Variants in TNFRSF11A observed in about 807,000 individuals in gnomAD.
TNFRSF11A encodes tumor necrosis factor receptor superfamily member 11A.
Under a neutral mutation model 55.7 loss-of-function variants are expected in TNFRSF11A, and 32 were observed. The ratio of observed to expected loss-of-function variants is 0.57; its 90% CI spans 0.43 to 0.77. TNFRSF11A has a LOEUF of 0.77. TNFRSF11A is among the 30% of genes least tolerant of loss of function. The pLI is 0.00. For missense variants in TNFRSF11A, 753 were observed against 809.8 expected (o/e 0.93, Z 0.85); for synonymous variants, 311 against 331.0 (o/e 0.94, Z 0.65).
chr18:62,354,129 A>T (rs1019237756), intron 3 of TNFRSF11A, among the ~76,000 whole-genome samples: 26 of 152,310 alleles, frequency 1.7e-4, no homozygotes, highest in African/African-American at 6.0e-4. Flanking sequence ...TCTTTCTACT[A>T]ACATGAAAAT....
rs753920062 is a variant in TNFRSF11A at position 62,349,797 on chromosome 18, C to G, written c.158-15C>G. Reference sequence around the variant, plus strand: ...GTTTTTTGATGGTTGCATTTTTCTCCCTCATTTTTTTAAGGAAAGTACATG... The same window carrying G: ...GTTTTTTGATGGTTGCATTTTTCTCGCTCATTTTTTTAAGGAAAGTACATG... On this transcript the variant is annotated splice_polypyrimidine_tract_variant and intron_variant, in intron 2 of 9. Transcript: ENST00000586569. 18 of 1,613,240 alleles carry G rather than the reference C, an allele frequency of 1.1e-5. No homozygotes were observed. The highest frequency in any genetic ancestry group is 1.5e-5 in the Non-Finnish European group (18 of 1,179,632).
intron 1 of TNFRSF11A, among the ~76,000 whole-genome samples, chr18:62,341,234 A>G (rs933792265): frequency 6.6e-6 from 1 of 152,230 alleles, no homozygotes; most frequent in African/African-American, 2.4e-5. Context: ...AATGACTCGG[A>G]CCACTCATCG....
intron 1 of TNFRSF11A, among the ~76,000 whole-genome samples, chr18:62,326,808 T>C (rs975534938): frequency 3.9e-5 from 6 of 152,368 alleles, no homozygotes; most frequent in South Asian, 2.1e-4. Flanking sequence ...AACTTTTGCA[T>C]TGGTCATTTC....
intron 1 of TNFRSF11A, among the ~76,000 whole-genome samples, chr18:62,331,922 G>C (rs1388601589): frequency 6.6e-6 from 1 of 152,216 alleles, no homozygotes; most frequent in Non-Finnish European, 1.5e-5. Flanking sequence ...CCAGCAAAGG[G>C]ACAGAGCTGC....
chr18:62,368,639 G>A, intron 8 of TNFRSF11A, 62 bp from the exon 9 acceptor site: 1 of 1,562,786 alleles, frequency 6.4e-7, no homozygotes, highest in Non-Finnish European at 8.8e-7. Context: ...GCAATGTTTA[G>A]CTAAACTTGT....
chr18:62,366,651 A>G lies in TNFRSF11A; in HGVS notation c.731-57A>G, dbSNP rs375349605. ...ATATACATAATAACCTTTATTTAAA[A>G]GAAAAGAAGTGGGAAATAATAACTT... On this transcript the variant is annotated intron_variant, in intron 7 of 9. Coordinates refer to ENST00000586569, the MANE Select transcript of TNFRSF11A (RefSeq NM_003839.4). The G allele has an allele frequency of 5.0e-5, 77 of 1,554,898 alleles. No homozygotes were observed. The East Asian group carries it at 9.9e-4, about 20-fold the overall frequency.
At position 62,359,938 on chromosome 18, in the gene TNFRSF11A, C is replaced by T. The variant is rs6567272; in HGVS notation, c.522-17C>T. The T allele has an allele frequency of 0.52, 837,870 of 1,607,418 alleles. 221,811 individuals carry two copies. The highest frequency in any genetic ancestry group is 0.69 in the East Asian group (30,808 of 44,798). ...AGCTTATAAAACCAAAGCACTGAAC[C>T]ACCTTTTCCCCCACAGCTGTACCTT... On this transcript the variant is annotated splice_polypyrimidine_tract_variant and intron_variant, in intron 5 of 9. Transcript: ENST00000586569.
intron 8 of TNFRSF11A, among the ~76,000 whole-genome samples, chr18:62,367,663 G>A (rs1046473431): frequency 6.6e-6 from 1 of 151,760 alleles, no homozygotes; most frequent in Admixed American, 6.6e-5. Context: ...TATAACCATA[G>A]TACATGTATC....
chr18:62,325,337 C>T lies in TNFRSF11A; in HGVS notation c.-16C>T, dbSNP rs2046054504. The T allele has an allele frequency of 2.0e-6, 2 of 1,011,936 alleles. No individual in the cohort carries two copies. The highest frequency in any genetic ancestry group is 5.4e-5 in the Admixed American group (1 of 18,390). 62.7% of individuals were successfully genotyped at this position (1,011,936 alleles called of 1,614,324 possible). A position where few individuals can be genotyped will look rare whatever the true frequency, so the allele number is the denominator to read the frequency against. ...AGGCCGCTGAGGCCGCGGCGCCCGC[C>T]AGCCTGTCCCGCGCCATGGCCCCGC... On this transcript the variant is annotated 5_prime_UTR_variant, in exon 1 of 10. Transcript: ENST00000586569. The surrounding 1 kb of genome is among the most constrained non-coding windows in gnomAD (Gnocchi z 4.7).
At chr18:62,344,027 A>C (rs116333555) in intron 1 of TNFRSF11A, among the ~76,000 whole-genome samples, 2,713 of 152,256 alleles carry the variant, frequency 0.018, 68 homozygotes, top group African/African-American at 0.062. Flanking sequence ...CACAAGAGCA[A>C]CCTGATCCCA....
chr18:62,342,774 G>A (rs991524998), intron 1 of TNFRSF11A, among the ~76,000 whole-genome samples: 5 of 152,200 alleles, frequency 3.3e-5, no homozygotes, highest in African/African-American at 7.2e-5. Flanking sequence ...AGACCTTCTC[G>A]CCGGCCTGTC....
intron 3 of TNFRSF11A, among the ~76,000 whole-genome samples, chr18:62,352,842 A>G (rs1600381437): frequency 2.0e-5 from 3 of 152,138 alleles, no homozygotes; most frequent in South Asian, 4.1e-4. Flanking sequence ...GAAATAGGAA[A>G]TGTCCCCTCC....
rs1033637909 is a variant in TNFRSF11A at position 62,387,810 on chromosome 18, A to T, written c.*2776A>T. 6.6e-6 allele frequency: 1 copy of T among 152,200 alleles called. No individual in the cohort carries two copies. Among genetic ancestry groups the T allele is most frequent in the Non-Finnish European group, 1.5e-5 (1 of 68,052 alleles). The allele number at this position is 152,200 out of a possible 1,614,324, so 9.4% of individuals were successfully genotyped here. ...TATTTCAGTGTAACAAACCACCCAA[A>T]GACTTAGTGGCTTAAAATAGTCACC... On this transcript the variant is annotated 3_prime_UTR_variant, in exon 10 of 10. Coordinates refer to ENST00000586569, the MANE Select transcript of TNFRSF11A (RefSeq NM_003839.4).
At chr18:62,367,311 T>G (rs1350654822) in intron 8 of TNFRSF11A, 1 of 164,016 alleles carries the variant, frequency 6.1e-6, no homozygotes, top group African/African-American at 2.4e-5. Flanking sequence ...TTCATGTCAT[T>G]TTTTTTAGTA....
In TNFRSF11A at chr18:62,391,237, C is replaced by T. The variant is rs1311757029; in HGVS notation, c.*6203C>T. 3.3e-5 allele frequency: 5 copies of T among 152,296 alleles called. 1 individual carries two copies. The highest frequency in any genetic ancestry group is 3.3e-4 in the Admixed American group (5 of 15,286). The allele number at this position is 152,296 out of a possible 1,614,324, so 9.4% of individuals were successfully genotyped here. ...GGATGTACTGCGGTTTATTCACCAACATATGGGTTCTTTCCTGTTTGGGGA... is the reference window on the plus strand; with the variant it reads ...GGATGTACTGCGGTTTATTCACCAATATATGGGTTCTTTCCTGTTTGGGGA... On this transcript the variant is annotated 3_prime_UTR_variant, in exon 10 of 10. Transcript: ENST00000586569.
chr18:62,325,519 C>A lies in TNFRSF11A; in HGVS notation c.75+92C>A. 1.2e-6 allele frequency: 1 copy of A among 861,048 alleles called. No individual in the cohort carries two copies. The highest frequency in any genetic ancestry group is 1.5e-6 in the Non-Finnish European group (1 of 673,512). 53.3% of individuals were successfully genotyped at this position (861,048 alleles called of 1,614,324 possible). A position where few individuals can be genotyped will look rare whatever the true frequency, so the allele number is the denominator to read the frequency against. ...GGGGCCGGCGGCATCCTGGCTCCTCCGCCTTCCGAGAGGAGCCGGAGTTTT... is the reference window on the plus strand; with the variant it reads ...GGGGCCGGCGGCATCCTGGCTCCTCAGCCTTCCGAGAGGAGCCGGAGTTTT... On this transcript the variant is annotated intron_variant, in intron 1 of 9. Transcript: ENST00000586569. The surrounding 1 kb of genome is among the most constrained non-coding windows in gnomAD (Gnocchi z 4.7).
rs1415462395 is a variant in TNFRSF11A at position 62,325,789 on chromosome 18, G to A, written c.75+362G>A. ...CGGTGCCGCGGGAGACAGCGCCGTGGGCACCTCACTTGCGGCAGATAACCG... is the reference window on the plus strand; with the variant it reads ...CGGTGCCGCGGGAGACAGCGCCGTGAGCACCTCACTTGCGGCAGATAACCG... On this transcript the variant is annotated intron_variant, in intron 1 of 9. Transcript: ENST00000586569. This position sits in a 1 kb window ranked among gnomAD's most constrained non-coding sequence, Gnocchi z 4.7. Among the ~76,000 whole-genome samples, 1 of 152,224 alleles carries A rather than the reference G, an allele frequency of 6.6e-6. No individual in the cohort carries two copies. The highest frequency in any genetic ancestry group is 2.4e-5 in the African/African-American group (1 of 41,472).
At chr18:62,345,545 T>G (rs767012518) in intron 1 of TNFRSF11A, among the ~76,000 whole-genome samples, 2 of 152,208 alleles carry the variant, frequency 1.3e-5, no homozygotes, top group South Asian at 4.1e-4. Context: ...CAGCAAAATT[T>G]CTGCTGCTGC....
In TNFRSF11A at chr18:62,325,953, G is replaced by C. The variant is rs575398513; in HGVS notation, c.75+526G>C. Among the ~76,000 whole-genome samples the C allele has an allele frequency of 1.3e-5, 2 of 152,310 alleles. No homozygotes were observed. Among genetic ancestry groups the C allele is most frequent in the East Asian group, 3.9e-4 (2 of 5,154 alleles). ...CGGGGACACCCCTGCCAGCTCGCCTGGAGGCCCCGCACGGCGGGGAGAGAC... is the reference window on the plus strand; with the variant it reads ...CGGGGACACCCCTGCCAGCTCGCCTCGAGGCCCCGCACGGCGGGGAGAGAC... On this transcript the variant is annotated intron_variant, in intron 1 of 9. Transcript: ENST00000586569. This position sits in a 1 kb window ranked among gnomAD's most constrained non-coding sequence, Gnocchi z 4.7.
Sources: allele counts gnomAD v4.1 joint callset (sites outside exome capture counted in the v4.1 genomes callset), GRCh38; gene constraint gnomAD v4.1.1; non-coding constraint Gnocchi (gnomAD v3.1); transcripts MANE v1.5; gene names NCBI Gene and HGNC (gene_info 2026-07-23, HGNC 2026-07-21).